Variants in DLGAP2 observed in about 807,000 individuals in gnomAD.
DLGAP2 encodes the protein disks large-associated protein 2.
DLGAP2 carries 26 observed loss-of-function variants against 100.3 expected under a neutral mutation model. The ratio of observed to expected loss-of-function variants is 0.26; its 90% CI spans 0.19 to 0.36. DLGAP2 has a LOEUF of 0.36. DLGAP2 is among the 10% of genes least tolerant of loss of function. The pLI is 1.00. For missense variants in DLGAP2, 1,858 were observed against 1,453.2 expected, an observed-to-expected ratio of 1.28 and a Z score of -4.53; for synonymous variants, 886 against 630.1, an observed-to-expected ratio of 1.41 and a Z score of -6.08.
intron 3 of DLGAP2, among the ~76,000 whole-genome samples, chr8:1,296,716 G>T (rs1288702941): frequency 6.6e-6 from 1 of 152,234 alleles, no homozygotes; most frequent in African/African-American, 2.4e-5. Context: ...GGCACTTAAA[G>T]CGTCAAAGGC....
chr8:896,231 T>G (rs1250124780), intron 1 of DLGAP2, among the ~76,000 whole-genome samples: 1 of 148,310 alleles, frequency 6.7e-6, no homozygotes, highest in East Asian at 2.0e-4. Context: ...AGTGGCTAGG[T>G]AGGTGTGGGG....
At chr8:966,430 G>A (rs1254217235) in intron 2 of DLGAP2, among the ~76,000 whole-genome samples, 2 of 152,148 alleles carry the variant, frequency 1.3e-5, no homozygotes, top group East Asian at 1.9e-4. Flanking sequence ...CAACTCCGCA[G>A]GAAAGTTTTA....
intron 2 of DLGAP2, among the ~76,000 whole-genome samples, chr8:1,158,370 C>T (rs910293896): frequency 6.6e-6 from 1 of 152,130 alleles, no homozygotes; most frequent in African/African-American, 2.4e-5. Context: ...AATCTAATTC[C>T]CTCAGTAGAC....
chr8:1,283,652 C>G (rs534784459), intron 3 of DLGAP2, among the ~76,000 whole-genome samples: 9 of 152,274 alleles, frequency 5.9e-5, no homozygotes, highest in Non-Finnish European at 1.3e-4. Flanking sequence ...TTCAGCTTTC[C>G]TTTTGTGAAA....
At chr8:1,276,329 C>G (rs1799695426) in intron 3 of DLGAP2, among the ~76,000 whole-genome samples, 1 of 151,932 alleles carries the variant, frequency 6.6e-6, no homozygotes. Context: ...GTGTCTTGGA[C>G]TGACACATGA....
At chr8:1,342,472 G>T (rs927549372) in intron 3 of DLGAP2, among the ~76,000 whole-genome samples, 42 of 152,030 alleles carry the variant, frequency 2.8e-4, no homozygotes, top group African/African-American at 9.7e-4. Context: ...GCACAGTTCA[G>T]CTAACTTTTT....
At chr8:1,044,399 C>G (rs1210678429) in intron 2 of DLGAP2, among the ~76,000 whole-genome samples, 1 of 152,224 alleles carries the variant, frequency 6.6e-6, no homozygotes, top group African/African-American at 2.4e-5. Context: ...CCTCCACCTG[C>G]CCAGGTGGCT....
At chr8:1,425,618 T>C (rs1341017301) in intron 3 of DLGAP2, among the ~76,000 whole-genome samples, 1 of 152,094 alleles carries the variant, frequency 6.6e-6, no homozygotes, top group Admixed American at 6.5e-5. Context: ...GGGCGCATGA[T>C]CCACATGGTC....
At chr8:1,245,067 G>A (rs55857854) in intron 2 of DLGAP2, among the ~76,000 whole-genome samples, 6,790 of 152,218 alleles carry the variant, frequency 0.045, 532 homozygotes, top group African/African-American at 0.15. Flanking sequence ...GTGTTAGGAT[G>A]GCCATAATGG....
intron 3 of DLGAP2, among the ~76,000 whole-genome samples, chr8:1,272,307 C>T (rs867929453): frequency 1.3e-5 from 2 of 151,992 alleles, no homozygotes; most frequent in Non-Finnish European, 2.9e-5. Flanking sequence ...CAATGCATAG[C>T]GGGTCCAGAG....
At chr8:946,828 A>G (rs757808136) in intron 2 of DLGAP2, among the ~76,000 whole-genome samples, 3 of 152,204 alleles carry the variant, frequency 2.0e-5, no homozygotes, top group African/African-American at 4.8e-5. Context: ...AGATAGAAAC[A>G]GCAATAGCAC....
chr8:853,595 A>T (rs1222460219), intron 1 of DLGAP2, among the ~76,000 whole-genome samples: 1 of 152,144 alleles, frequency 6.6e-6, no homozygotes, highest in African/African-American at 2.4e-5. Flanking sequence ...GGGACCCCCC[A>T]CGACATCCAA....
rs1268639713 is a variant in DLGAP2 at position 1,311,236 on chromosome 8, T to TA, written c.106+52359dup. Among the ~76,000 whole-genome samples the TA allele has an allele frequency of 4.6e-5, 7 of 152,032 alleles. 1 individual carries two copies. The highest frequency in any genetic ancestry group is 8.8e-5 in the Non-Finnish European group (6 of 68,002). ...TGACCTAAACTGACTGAAGACAAGA[T>TA]AAAAAATCTCAACAGATTTATAATA... is the stretch of plus-strand genomic sequence containing the variant. On this transcript the variant is annotated intron_variant, in intron 3 of 14. Coordinates refer to ENST00000637795, the MANE Select transcript of DLGAP2 (RefSeq NM_001346810.2).
Position 1,540,960 on chromosome 8 carries a change from C to T in DLGAP2, c.173-7666C>T, listed in dbSNP as rs548761429. ...GCTCCTGTGAGCACAGCAGCAGAATCGTTTCCACAGAATTCGGCCCAGGGA... is the reference window on the plus strand; with the variant it reads ...GCTCCTGTGAGCACAGCAGCAGAATTGTTTCCACAGAATTCGGCCCAGGGA... On this transcript the variant is annotated intron_variant, in intron 4 of 14. Transcript: ENST00000637795. Among the ~76,000 whole-genome samples, 7 of 152,344 alleles carry T rather than the reference C, an allele frequency of 4.6e-5. 1 individual carries two copies. The highest frequency in any genetic ancestry group is 1.7e-4 in the African/African-American group (7 of 41,594).
chr8:814,565 G>C (rs3924247), intron 1 of DLGAP2, among the ~76,000 whole-genome samples: 17,253 of 152,082 alleles, frequency 0.11, 1,537 homozygotes, highest in East Asian at 0.52. Flanking sequence ...ACAAGAATAG[G>C]TAGTTTTGTA....
At chr8:1,586,883 C>T (rs1202156771) in intron 6 of DLGAP2, among the ~76,000 whole-genome samples, 1 of 152,222 alleles carries the variant, frequency 6.6e-6, no homozygotes, top group Non-Finnish European at 1.5e-5. Flanking sequence ...ATTTTCTGGG[C>T]ATGTGGCTCC....
At chr8:892,399 G>C (rs141672096) in intron 1 of DLGAP2, among the ~76,000 whole-genome samples, 1 of 152,278 alleles carries the variant, frequency 6.6e-6, no homozygotes, top group African/African-American at 2.4e-5. Flanking sequence ...CGAGGCTATG[G>C]GGTGGATGAA....
At chr8:1,015,108 C>CTGTG (rs749121629) in intron 2 of DLGAP2, among the ~76,000 whole-genome samples, 1 of 14,652 alleles carries the variant, frequency 6.8e-5, no homozygotes. Flanking sequence ...GACGCCTCCA[C>CTGTG]TGTGTGAGAC....
intron 3 of DLGAP2, chr8:1,300,602 AG>A: frequency 6.6e-6 from 1 of 152,324 alleles, no homozygotes; most frequent in Non-Finnish European, 1.5e-5. Flanking sequence ...GTTGGAGGCG[AG>A]GGGGCCAGTT....
Sources: gnomAD v4.1 joint callset for allele counts (sites outside exome capture counted in the v4.1 genomes callset) on GRCh38, gnomAD v4.1.1 for gene constraint, MANE v1.5 for transcripts, NCBI Gene and HGNC (gene_info 2026-07-23, HGNC 2026-07-21) for gene names.